Variants in RASAL3 observed in about 807,000 individuals in gnomAD.
RASAL3 encodes RAS protein activator like-3.
RASAL3 carries 74 observed loss-of-function variants against 105.5 expected under a neutral mutation model. That is an observed-to-expected ratio of 0.70 (90% CI 0.58 to 0.85). The LOEUF (loss-of-function observed/expected upper bound fraction) is 0.85. Ranked by LOEUF, RASAL3 falls within the 40% of genes least tolerant of loss-of-function variation. RASAL3 has a pLI of 0.00. For missense variants in RASAL3, 1,352 were observed against 1,392.0 expected, an observed-to-expected ratio of 0.97 and a Z score of 0.46; for synonymous variants, 579 against 591.6, an observed-to-expected ratio of 0.98 and a Z score of 0.31.
chr19:15,454,442 A>T lies in RASAL3; in HGVS notation c.2079T>A (p.Gly693=), dbSNP rs1195259017. 1 of 1,613,958 alleles carries T rather than the reference A, an allele frequency of 6.2e-7. No individual in the cohort carries two copies. The highest frequency in any genetic ancestry group is 2.2e-5 in the East Asian group (1 of 44,888). ...AMVDVDAAPS[G]YQGSGDLALQ... ...GGGCCAGATCACCACTGCCCTGGTA[A>T]CCACTGGGGGCAGCATCCACATCCA... Residue 693 remains glycine (G), a synonymous_variant, in exon 13 of 18, where the codon GGT becomes GGA. Transcript: ENST00000343625.
rs966121965 is a variant in RASAL3 at position 15,458,321 on chromosome 19, C to CAA, written c.888+5_888+6dup. 1.4e-5 allele frequency: 23 copies of CAA among 1,612,268 alleles called. No homozygotes were observed. The highest frequency in any genetic ancestry group is 4.0e-5 in the African/African-American group (3 of 74,894). On this transcript the variant is annotated splice_region_variant and intron_variant, in intron 8 of 17. Coordinates refer to ENST00000343625, the MANE Select transcript of RASAL3 (RefSeq NM_022904.3). ...TCTCCGTGTCCCGCTTTTCTGAGGG[C>CAA]AATGACCTGGGTGGGCTGGAATTGG...
chr19:15,457,189 C>A lies in RASAL3; in HGVS notation c.1431+103G>T. 4 of 997,338 alleles carry A rather than the reference C, an allele frequency of 4.0e-6. No homozygotes were observed. The highest frequency in any genetic ancestry group is 5.2e-6 in the Non-Finnish European group (4 of 771,408). The allele number at this position is 997,338 out of a possible 1,614,324, so 61.8% of individuals were successfully genotyped here. On this transcript the variant is annotated intron_variant, in intron 9 of 17. Transcript: ENST00000343625. This position sits in a 1 kb window ranked among gnomAD's most constrained non-coding sequence, Gnocchi z 8.6. The stretch of plus-strand genomic sequence containing the variant: ...CCCTCACACCCCTTCAAGGTGTCTC[C>A]CCCATTACAGGTGCAACTCAGGTCC...
At position 15,456,771 on chromosome 19, in the gene RASAL3, TC is replaced by T; in HGVS notation, c.1432-126del. ...CCTTGTAGCTGATGCTTAGGCCCAG[TC>T]CTTACTGCTGGGGCTCATAACCGAG... is the stretch of plus-strand genomic sequence containing the variant. On this transcript the variant is annotated intron_variant, in intron 9 of 17. Transcript: ENST00000343625. This position sits in a 1 kb window ranked among gnomAD's most constrained non-coding sequence, Gnocchi z 4.4. 1.7e-6 allele frequency: 2 copies of T among 1,152,884 alleles called. No individual in the cohort carries two copies. Among genetic ancestry groups the T allele is most frequent in the Non-Finnish European group, 2.4e-6 (2 of 820,674 alleles). The allele number at this position is 1,152,884 out of a possible 1,614,324, so 71.4% of individuals were successfully genotyped here. A position where few individuals can be genotyped will look rare whatever the true frequency, so the allele number is the denominator to read the frequency against.
rs1329174681 is a variant in RASAL3 at position 15,451,794 on chromosome 19, C to T, written c.*1G>A. ...ACGTGTGATGAGGCAGGATGGGCAGCTCAGGTGGTGTCTCCATTGAGGCAG... is the reference window on the plus strand; with the variant it reads ...ACGTGTGATGAGGCAGGATGGGCAGTTCAGGTGGTGTCTCCATTGAGGCAG... On this transcript the variant is annotated 3_prime_UTR_variant, in exon 18 of 18. Transcript: ENST00000343625. 1.9e-6 allele frequency: 3 copies of T among 1,591,874 alleles called. No homozygotes were observed. The highest frequency in any genetic ancestry group is 2.3e-5 in the East Asian group (1 of 44,328).
intron 16 of RASAL3, 49 bp from the exon 17 acceptor site, chr19:15,452,157 CT>C: frequency 6.3e-7 from 1 of 1,598,016 alleles, no homozygotes; most frequent in Non-Finnish European, 8.6e-7. Context: ...AAGGAAGTCC[CT>C]TCCAGCTCCT....
Position 15,461,540 on chromosome 19 carries a change from C to A in RASAL3, c.396G>T (p.Val132=), listed in dbSNP as rs1326091085. The change falls in exon 3 of 18, where the codon GTG becomes GTT. Residue 132 remains valine, a synonymous_variant. Coordinates refer to ENST00000343625, the MANE Select transcript of RASAL3 (RefSeq NM_022904.3). ...PQIPEAPTPN[V]PVWDIGGFTL... Reference sequence around the variant, plus strand: ...TGAAGCCCCCAATGTCCCAGACAGGCACGTTGGGTGTGGGGGCCTCAGGGA... The same window carrying A: ...TGAAGCCCCCAATGTCCCAGACAGGAACGTTGGGTGTGGGGGCCTCAGGGA... 2 of 1,536,068 alleles carry A rather than the reference C, an allele frequency of 1.3e-6. No homozygotes were observed. The highest frequency in any genetic ancestry group is 1.7e-6 in the Non-Finnish European group (2 of 1,144,184).
At chr19:15,462,661 T>C (rs753538258) in intron 2 of RASAL3, among the ~76,000 whole-genome samples, 1 of 151,164 alleles carries the variant, frequency 6.6e-6, no homozygotes, top group East Asian at 2.0e-4. Flanking sequence ...TTAAAATATG[T>C]TGGGCCTGGG....
At chr19:15,452,496 G>T in intron 16 of RASAL3, 162 bp downstream of exon 16, 1 of 678,502 alleles carries the variant, frequency 1.5e-6, no homozygotes, top group Non-Finnish European at 2.4e-6. Flanking sequence ...ACCTGGGGGC[G>T]GGGCTTGCCA....
At position 15,456,424 on chromosome 19, in the gene RASAL3, GC is replaced by G; in HGVS notation, c.1576+77del. The G allele has an allele frequency of 4.5e-6, 7 of 1,568,960 alleles. No individual in the cohort carries two copies. The South Asian group carries it at 8.0e-5, about 18-fold the overall frequency. ...ACCACTCACTACCAGAATCCAGGTT[GC>G]TCAAGGACTCTTAGAACTTCACCCA... On this transcript the variant is annotated intron_variant, in intron 10 of 17. Coordinates refer to ENST00000343625, the MANE Select transcript of RASAL3 (RefSeq NM_022904.3). The surrounding 1 kb of genome is among the most constrained non-coding windows in gnomAD (Gnocchi z 4.4).
intron 8 of RASAL3, chr19:15,458,039 TG>T: frequency 1.5e-6 from 1 of 656,758 alleles, no homozygotes. Flanking sequence ...CCGGGAGAGT[TG>T]GGGGCTCCAG....
chr19:15,455,562 G>GTGGTGATAGGGTTGCA (rs1277393250), intron 11 of RASAL3, among the ~76,000 whole-genome samples: 2 of 152,242 alleles, frequency 1.3e-5, no homozygotes, highest in Non-Finnish European at 2.9e-5. Flanking sequence ...CTTGGGGTCA[G>GTGGTGATAGGGTTGCA]TGGTGATAGG....
At position 15,454,905 on chromosome 19, in the gene RASAL3, G is replaced by A. The variant is rs1414040027; in HGVS notation, c.1722-12C>T. 6.5e-7 allele frequency: 1 copy of A among 1,539,526 alleles called. No individual in the cohort carries two copies. The highest frequency in any genetic ancestry group is 8.8e-7 in the Non-Finnish European group (1 of 1,142,776). On this transcript the variant is annotated splice_polypyrimidine_tract_variant and intron_variant, in intron 11 of 17. Coordinates refer to ENST00000343625, the MANE Select transcript of RASAL3 (RefSeq NM_022904.3). ...CCGCAGGGAACCAGCTGGTGCAGAA[G>A]AGGCAATGAATGGTCAGACGGGGAG...
intron 12 of RASAL3, 29 bp downstream of exon 12, chr19:15,454,628 C>A: frequency 6.2e-7 from 1 of 1,610,074 alleles, no homozygotes; most frequent in South Asian, 1.1e-5. Flanking sequence ...CCAGCATGGT[C>A]CCCCCACCCC....
intron 2 of RASAL3, 53 bp downstream of exon 2, chr19:15,463,978 C>G: frequency 2.7e-6 from 4 of 1,473,288 alleles, no homozygotes; most frequent in Middle Eastern, 2.6e-4. Context: ...AGACAAAACC[C>G]AAGCATCCGG....
At position 15,454,797 on chromosome 19, in the gene RASAL3, G is replaced by A. The variant is rs375409372; in HGVS notation, c.1818C>T (p.Ala606=). ...SEVLGPRLVC[A]SLFLRLLCPA... is the part of the protein sequence containing the mutation. The stretch of plus-strand genomic sequence containing the variant: ...GGCACAGGAGCCGCAGGAAGAGGGA[G>A]GCGCACACCAGTCGGGGGCCCAGCA... Residue 606 remains alanine (A), a synonymous_variant, in exon 12 of 18, where the codon GCC becomes GCT. Coordinates refer to ENST00000343625, the MANE Select transcript of RASAL3 (RefSeq NM_022904.3). The A allele has an allele frequency of 2.8e-4, 442 of 1,598,258 alleles. No individual in the cohort carries two copies. Among genetic ancestry groups the A allele is most frequent in the Non-Finnish European group, 3.6e-4 (423 of 1,172,752 alleles).
intron 15 of RASAL3, 69 bp from the exon 16 acceptor site, chr19:15,452,884 T>C (rs1970203467): frequency 2.0e-6 from 3 of 1,477,860 alleles, no homozygotes; most frequent in Non-Finnish European, 2.7e-6. Flanking sequence ...GACCCTGACC[T>C]CCCAGGCCCA....
In RASAL3 at chr19:15,458,776, G is replaced by GC. The variant is rs367722092; in HGVS notation, c.663-122dup. Reference sequence around the variant, plus strand: ...AATTCGGATCCCGTTTCTCCCCCGTGCCCCCCCCACCCCCCGCCATGGCAC... The same window carrying GC: ...AATTCGGATCCCGTTTCTCCCCCGTGCCCCCCCCCACCCCCCGCCATGGCAC... On this transcript the variant is annotated intron_variant, in intron 6 of 17. Transcript: ENST00000343625. The GC allele has an allele frequency of 8.1e-4, 977 of 1,211,148 alleles. 2 individuals are homozygous for GC. In the East Asian group the frequency reaches 8.9e-3, roughly 11 times the overall value. The allele number at this position is 1,211,148 out of a possible 1,614,324, so 75.0% of individuals were successfully genotyped here.
At chr19:15,463,886 G>A in intron 2 of RASAL3, 145 bp downstream of exon 2, 1 of 720,192 alleles carries the variant, frequency 1.4e-6, no homozygotes, top group African/African-American at 1.8e-5. Flanking sequence ...AGGGAACAGG[G>A]TAGCTGGGCC....
chr19:15,452,159 T>G, intron 16 of RASAL3, 51 bp from the exon 17 acceptor site: 4 of 1,593,880 alleles, frequency 2.5e-6, no homozygotes, highest in Non-Finnish European at 3.4e-6. Context: ...GGAAGTCCCT[T>G]CCAGCTCCTG....
Sources: gnomAD v4.1 joint callset for allele counts (sites outside exome capture counted in the v4.1 genomes callset) on GRCh38, gnomAD v4.1.1 for gene constraint, Gnocchi (gnomAD v3.1) non-coding constraint, MANE v1.5 for transcripts, NCBI Gene and HGNC (gene_info 2026-07-23, HGNC 2026-07-21) for gene names.